Variants in WWOX observed in about 807,000 individuals in gnomAD.
The protein encoded by WWOX is WW domain-containing oxidoreductase.
Under a neutral mutation model 46.2 loss-of-function variants are expected in WWOX, and 69 were observed. That is an observed-to-expected ratio of 1.49 (90% CI 1.23 to 1.82). The LOEUF is 1.82. Ranked by LOEUF, WWOX falls within the 40% of genes most tolerant of loss-of-function variation. The pLI, the probability that WWOX is intolerant of heterozygous loss-of-function variation, is 0.00. For missense variants in WWOX, 919 were observed against 542.6 expected, an observed-to-expected ratio of 1.69 and a Z score of -6.89; for synonymous variants, 359 against 202.6, an observed-to-expected ratio of 1.77 and a Z score of -6.56.
At chr16:79,095,788 G>A (rs1470522256) in intron 8 of WWOX, among the ~76,000 whole-genome samples, 4 of 151,130 alleles carry the variant, frequency 2.6e-5, no homozygotes, top group East Asian at 1.9e-4. Context: ...TCAGAAAGCC[G>A]ACTTCACCCT....
At chr16:78,169,912 C>G (rs1387562527) in intron 5 of WWOX, among the ~76,000 whole-genome samples, 1 of 152,150 alleles carries the variant, frequency 6.6e-6, no homozygotes, top group Non-Finnish European at 1.5e-5. Context: ...CTGTTGGGGA[C>G]TGGCCATTAG....
In WWOX at chr16:78,355,745, A is replaced by G. The variant is rs1032591060; in HGVS notation, c.517-31115A>G. 15 of 709,578 alleles carry G rather than the reference A, an allele frequency of 2.1e-5. No homozygotes were observed. The East Asian group carries it at 4.6e-4, about 22-fold the overall frequency. 44.0% of individuals were successfully genotyped at this position (709,578 alleles called of 1,614,324 possible). ...AATTGATGAGGAAACATATGAAGAG[A>G]CATATGAATCAACAAAACAGAATAT... is the stretch of plus-strand genomic sequence containing the variant. On this transcript the variant is annotated intron_variant, in intron 5 of 8. Transcript: ENST00000566780.
rs375595794 is a variant in WWOX at position 78,908,339 on chromosome 16, A to C, written c.1057-303269A>C. ...TGGTTCAACTGAGGTCAGGAGTTTG[A>C]GACCATCCTGGCCAAGGTGGTGAAA... is the stretch of plus-strand genomic sequence containing the variant. On this transcript the variant is annotated intron_variant, in intron 8 of 8. Transcript: ENST00000566780. Among the ~76,000 whole-genome samples, 130 of 152,208 alleles carry C rather than the reference A, an allele frequency of 8.5e-4. No individual in the cohort carries two copies. In the South Asian group the frequency reaches 0.026, roughly 30 times the overall value.
intron 8 of WWOX, among the ~76,000 whole-genome samples, chr16:78,610,479 A>C (rs189071494): frequency 5.1e-4 from 78 of 152,354 alleles, no homozygotes; most frequent in Admixed American, 1.7e-3. Context: ...AAGGTCACCT[A>C]CAATACTCAT....
intron 8 of WWOX, among the ~76,000 whole-genome samples, chr16:79,193,621 A>T (rs1321793075): frequency 6.6e-6 from 1 of 152,150 alleles, no homozygotes; most frequent in African/African-American, 2.4e-5. Flanking sequence ...AACTTTTAAA[A>T]ATATTGCAAA....
intron 8 of WWOX, among the ~76,000 whole-genome samples, chr16:78,940,419 C>T (rs1046007422): frequency 2.0e-5 from 3 of 152,150 alleles, no homozygotes; most frequent in African/African-American, 7.2e-5. Flanking sequence ...CCAAAGCTGA[C>T]CTTGAAATTG....
intron 8 of WWOX, among the ~76,000 whole-genome samples, chr16:79,147,683 G>A (rs151176510): frequency 6.6e-6 from 1 of 152,166 alleles, no homozygotes; most frequent in Non-Finnish European, 1.5e-5. Flanking sequence ...CTGTTTCCAT[G>A]CTATTTTACA....
chr16:79,171,386 A>T (rs1253925634), intron 8 of WWOX, among the ~76,000 whole-genome samples: 1 of 152,248 alleles, frequency 6.6e-6, no homozygotes, highest in Non-Finnish European at 1.5e-5. Context: ...TATAATTATC[A>T]TATACACCCT....
At chr16:78,849,348 G>C (rs942458277) in intron 8 of WWOX, among the ~76,000 whole-genome samples, 3 of 150,448 alleles carry the variant, frequency 2.0e-5, no homozygotes, top group Admixed American at 6.6e-5. Context: ...AGGCGGGGGG[G>C]ATCACGAGGT....
chr16:78,891,072 A>G (rs1419980228), intron 8 of WWOX: 1 of 152,204 alleles, frequency 6.6e-6, no homozygotes, highest in Admixed American at 6.5e-5. Context: ...GTGAATAAAA[A>G]GTGATCCTGG....
At chr16:78,401,856 C>T (rs551482393) in intron 6 of WWOX, among the ~76,000 whole-genome samples, 10 of 151,962 alleles carry the variant, frequency 6.6e-5, no homozygotes, top group East Asian at 1.9e-4. Context: ...TGCGCCACCA[C>T]GCTTGGCTAA....
intron 8 of WWOX, among the ~76,000 whole-genome samples, chr16:79,049,478 C>A (rs944121572): frequency 1.3e-5 from 2 of 152,142 alleles, no homozygotes; most frequent in Admixed American, 1.3e-4. Flanking sequence ...ACAGCTGGGA[C>A]ACTCCACAGA....
intron 8 of WWOX, among the ~76,000 whole-genome samples, chr16:78,906,853 T>C (rs570193469): frequency 6.6e-6 from 1 of 152,330 alleles, no homozygotes; most frequent in East Asian, 1.9e-4. Context: ...TTAGGAATAA[T>C]ATGTCAAGCT....
intron 8 of WWOX, among the ~76,000 whole-genome samples, chr16:78,788,104 AC>A (rs1221343960): frequency 6.6e-6 from 1 of 151,492 alleles, no homozygotes; most frequent in East Asian, 1.9e-4. Context: ...AGGCTTTTTT[AC>A]TCTTTTTATA....
chr16:78,994,153 C>T (rs1027396627), intron 8 of WWOX, among the ~76,000 whole-genome samples: 1 of 152,228 alleles, frequency 6.6e-6, no homozygotes, highest in Non-Finnish European at 1.5e-5. Context: ...TTAATCAAAA[C>T]CCCCTTCAGA....
chr16:79,200,546 G>A (rs990920462), intron 8 of WWOX, among the ~76,000 whole-genome samples: 3 of 152,158 alleles, frequency 2.0e-5, no homozygotes, highest in Non-Finnish European at 4.4e-5. Context: ...CTGGTGGGGA[G>A]TGAGGATATT....
intron 8 of WWOX, among the ~76,000 whole-genome samples, chr16:79,181,633 C>G (rs9925793): frequency 0.096 from 14,576 of 152,106 alleles, 2,335 homozygotes; most frequent in African/African-American, 0.33. Flanking sequence ...CCTTATTACT[C>G]AGCCTTTGGG....
chr16:79,133,442 GA>G (rs1241044201), intron 8 of WWOX, among the ~76,000 whole-genome samples: 2 of 152,218 alleles, frequency 1.3e-5, no homozygotes, highest in Non-Finnish European at 2.9e-5. Context: ...GAAAGGGTAA[GA>G]AATCCTTACA....
At chr16:78,632,614 A>C (rs2046461690) in intron 8 of WWOX, among the ~76,000 whole-genome samples, 2 of 126,004 alleles carry the variant, frequency 1.6e-5, no homozygotes. Flanking sequence ...GCTGGAGTGC[A>C]ATGGTGCGAT....
Sources: allele counts gnomAD v4.1 joint callset (sites outside exome capture counted in the v4.1 genomes callset), GRCh38; gene constraint gnomAD v4.1.1; transcripts MANE v1.5; gene names NCBI Gene and HGNC (gene_info 2026-07-23, HGNC 2026-07-21).